Variants in B4GALT6 observed in about 807,000 individuals in gnomAD.
The protein encoded by B4GALT6 is beta-1,4-galactosyltransferase 6.
Under a neutral mutation model 46.3 loss-of-function variants are expected in B4GALT6, and 14 were observed. The observed-to-expected ratio is 0.30, with a 90% CI of 0.20 to 0.47. The LOEUF is 0.47. Ranked by LOEUF, B4GALT6 falls within the 20% of genes least tolerant of loss-of-function variation. The pLI is 0.99. For synonymous variants in B4GALT6, 168 were observed against 162.0 expected (o/e 1.04, Z -0.28); for missense variants, 386 against 480.1 (o/e 0.80, Z 1.83).
the B4GALT6 span, chr18:31,724,372 C>T: frequency 9.4e-7 from 1 of 1,067,370 alleles, no homozygotes; most frequent in East Asian, 7.2e-5. Context: ...CCCGCTCCAG[C>T]TGACCTCTGA....
the B4GALT6 span, among the ~76,000 whole-genome samples, chr18:31,717,113 A>T: frequency 6.6e-6 from 1 of 152,200 alleles, no homozygotes; most frequent in Non-Finnish European, 1.5e-5. Context: ...AAAAAAAGAA[A>T]GAAAGAAAGA....
At chr18:31,698,160 T>C in the B4GALT6 span, among the ~76,000 whole-genome samples, 2 of 152,250 alleles carry the variant, frequency 1.3e-5, no homozygotes, top group African/African-American at 2.4e-5. Context: ...CTCTATATGC[T>C]TCATTCTGTG....
the B4GALT6 span, among the ~76,000 whole-genome samples, chr18:31,693,365 A>G: frequency 6.6e-6 from 1 of 152,222 alleles, no homozygotes; most frequent in Non-Finnish European, 1.5e-5. Context: ...GAAAAGTCCT[A>G]TTAACAGAAT....
chr18:31,669,926 T>C (rs1397338521), intron 1 of B4GALT6, among the ~76,000 whole-genome samples: 1 of 152,236 alleles, frequency 6.6e-6, no homozygotes, highest in Non-Finnish European at 1.5e-5. Flanking sequence ...AAAAAACTTG[T>C]ACTTCCAGGA....
At chr18:31,686,300 T>C (rs895321862), upstream of B4GALT6, 5 of 152,216 alleles carry the variant, frequency 3.3e-5, no homozygotes, top group African/African-American at 1.2e-4. Flanking sequence ...GTCCCTGAGA[T>C]AATGCTTTGC....
At chr18:31,630,065 G>A (rs1191794597) in intron 6 of B4GALT6, among the ~76,000 whole-genome samples, 2 of 133,202 alleles carry the variant, frequency 1.5e-5, no homozygotes, top group African/African-American at 2.7e-5. Context: ...GGGGGGAGGG[G>A]GAAGAAGGGG....
the B4GALT6 span, among the ~76,000 whole-genome samples, chr18:31,707,469 A>G: frequency 6.6e-6 from 1 of 152,152 alleles, no homozygotes; most frequent in Non-Finnish European, 1.5e-5. Flanking sequence ...CCACAAAAAA[A>G]GGTGGGCAGT....
chr18:31,653,120 A>C (rs1200100062), intron 3 of B4GALT6, among the ~76,000 whole-genome samples: 1 of 151,810 alleles, frequency 6.6e-6, no homozygotes, highest in Non-Finnish European at 1.5e-5. Context: ...GTAAGCTCAC[A>C]GGCTCTTCTC....
At chr18:31,658,660 T>A (rs2074173699) in intron 2 of B4GALT6, among the ~76,000 whole-genome samples, 1 of 152,222 alleles carries the variant, frequency 6.6e-6, no homozygotes, top group African/African-American at 2.4e-5. Flanking sequence ...AGGTCCATTA[T>A]CTTTAGAGTC....
intron 2 of B4GALT6, among the ~76,000 whole-genome samples, chr18:31,664,457 TTAATC>T (rs1451818282): frequency 1.3e-5 from 2 of 152,116 alleles, no homozygotes; most frequent in African/African-American, 4.8e-5. Context: ...TAAGCAAACT[TTAATC>T]TAAGTATGCA....
chr18:31,700,468 T>TGTGTGTGAGA, the B4GALT6 span, among the ~76,000 whole-genome samples: 204 of 148,386 alleles, frequency 1.4e-3, 1 homozygote, highest in African/African-American at 4.4e-3. Context: ...TGTGTGTGTG[T>TGTGTGTGAGA]GAGAGAGAGA....
chr18:31,670,130 C>T (rs966484616), intron 1 of B4GALT6, among the ~76,000 whole-genome samples: 1 of 151,760 alleles, frequency 6.6e-6, no homozygotes, highest in Non-Finnish European at 1.5e-5. Flanking sequence ...CTTGGCTCTC[C>T]GTAACCTCCA....
At chr18:31,697,025 C>A in the B4GALT6 span, among the ~76,000 whole-genome samples, 1 of 152,138 alleles carries the variant, frequency 6.6e-6, no homozygotes, top group South Asian at 2.1e-4. Flanking sequence ...CCAACAAACA[C>A]TTAAGGAAGC....
chr18:31,650,891 CG>C (rs1188519871), intron 3 of B4GALT6, among the ~76,000 whole-genome samples: 1 of 152,168 alleles, frequency 6.6e-6, no homozygotes, highest in Non-Finnish European at 1.5e-5. Context: ...GCCTCACCCC[CG>C]AGTAGCTGGG....
intron 4 of B4GALT6, among the ~76,000 whole-genome samples, chr18:31,644,754 T>C (rs981987995): frequency 1.3e-5 from 2 of 152,190 alleles, no homozygotes; most frequent in African/African-American, 2.4e-5. Flanking sequence ...AAACACTGAA[T>C]AGAATTCTGA....
At chr18:31,711,962 A>T in the B4GALT6 span, among the ~76,000 whole-genome samples, 3 of 151,888 alleles carry the variant, frequency 2.0e-5, no homozygotes, top group African/African-American at 7.3e-5. Flanking sequence ...GCCTCTCCCC[A>T]ACTGGATGAT....
intron 1 of B4GALT6, among the ~76,000 whole-genome samples, chr18:31,668,147 A>G (rs1203069040): frequency 1.3e-5 from 2 of 152,126 alleles, no homozygotes; most frequent in Non-Finnish European, 2.9e-5. Context: ...GAACAAAATC[A>G]TATGCTTTGC....
intron 1 of B4GALT6, among the ~76,000 whole-genome samples, chr18:31,672,651 C>T (rs548337423): frequency 1.3e-5 from 2 of 152,334 alleles, no homozygotes; most frequent in African/African-American, 4.8e-5. Flanking sequence ...CTTTGTCAAG[C>T]ATACTTTACA....
intron 1 of B4GALT6, among the ~76,000 whole-genome samples, chr18:31,673,985 GT>G (rs895542262): frequency 7.2e-5 from 11 of 152,142 alleles, no homozygotes; most frequent in African/African-American, 2.7e-4. Flanking sequence ...AGGCAGTGAT[GT>G]GGCCACCAGG....
Sources: gnomAD v4.1 joint callset for allele counts (sites outside exome capture counted in the v4.1 genomes callset) on GRCh38, gnomAD v4.1.1 for gene constraint, MANE v1.5 for transcripts, NCBI Gene and HGNC (gene_info 2026-07-23, HGNC 2026-07-21) for gene names.